The following ARHGEF10L variants were observed in gnomAD, a reference collection of about 807,000 sequenced individuals.
The protein encoded by ARHGEF10L is Rho guanine nucleotide exchange factor 10 like, also known as rho guanine nucleotide exchange factor 10-like protein.
A neutral mutation model predicts 141.2 loss-of-function variants in ARHGEF10L; 69 were observed. The ratio of observed to expected loss-of-function variants is 0.49; its 90% CI spans 0.40 to 0.60. ARHGEF10L has a LOEUF of 0.60. Ranked by LOEUF, ARHGEF10L falls within the 20% of genes least tolerant of loss-of-function variation. ARHGEF10L has a pLI of 0.00. For synonymous variants in ARHGEF10L, 711 were observed against 718.5 expected (o/e 0.99, Z 0.17); for missense variants, 1,482 against 1,734.3 (o/e 0.85, Z 2.58).
rs116778810 is a variant in ARHGEF10L at position 17,623,010 on chromosome 1, C to G, written c.1035C>G (p.Pro345=). The change falls in exon 12 of 29, where the codon CCC becomes CCG. Residue 345 remains proline (P), a synonymous_variant. Coordinates refer to ENST00000361221, the MANE Select transcript of ARHGEF10L (RefSeq NM_018125.4). This position sits in a 1 kb window ranked among gnomAD's most constrained non-coding sequence, Gnocchi z 4.7. ...LKRILQDYRN[P]LMEMEPKALS... ...CTCCCCGGCAGGACTACCGCAACCC[C>G]CTGATGGAGATGGAGCCCAAGGCGC... 1 of 1,613,372 alleles carries G rather than the reference C, an allele frequency of 6.2e-7. No individual in the cohort carries two copies. The highest frequency in any genetic ancestry group is 8.5e-7 in the Non-Finnish European group (1 of 1,179,870).
rs541768338 is a variant in ARHGEF10L at position 17,619,473 on chromosome 1, G to T, written c.942+28G>T. On this transcript the variant is annotated intron_variant, in intron 10 of 28. Transcript: ENST00000361221. The surrounding 1 kb of genome is among the most constrained non-coding windows in gnomAD (Gnocchi z 5.0). ...CTGTGGGGGAGTGGGGCAGGTGGGG[G>T]TCTGCAGGGGAAGGGGTGGCTTGGG... is the stretch of plus-strand genomic sequence containing the variant. 15 of 1,501,000 alleles carry T rather than the reference G, an allele frequency of 1.0e-5. No homozygotes were observed. The highest frequency in any genetic ancestry group is 1.8e-4 in the Middle Eastern group (1 of 5,658). 93.0% of individuals were successfully genotyped at this position (1,501,000 alleles called of 1,614,324 possible).
chr1:17,618,256 C>A, intron 9 of ARHGEF10L: 2 of 1,371,134 alleles, frequency 1.5e-6, no homozygotes, highest in Non-Finnish European at 9.7e-7. Context: ...CTCCTCAGCC[C>A]TCCCCACCCC....
intron 8 of ARHGEF10L, among the ~76,000 whole-genome samples, chr1:17,613,738 CATTAACTGAGCACCT>C (rs1168702149): frequency 1.3e-5 from 2 of 152,220 alleles, no homozygotes; most frequent in African/African-American, 4.8e-5. Flanking sequence ...CAGTAGCTTC[CATTAACTGAGCACCT>C]GCTCTGTGTC....
At chr1:17,686,108 T>TTCTTTCTTTCTTTCTTTC (rs1400506757) in intron 26 of ARHGEF10L, among the ~76,000 whole-genome samples, 8 of 150,458 alleles carry the variant, frequency 5.3e-5, no homozygotes, top group African/African-American at 2.0e-4. Flanking sequence ...CTTTCTTTCT[T>TTCTTTCTTTCTTTCTTTC]TTTTTTTTGC....
intron 1 of ARHGEF10L, among the ~76,000 whole-genome samples, chr1:17,563,459 T>C (rs929095612): frequency 6.6e-6 from 1 of 152,122 alleles, no homozygotes; most frequent in Admixed American, 6.5e-5. Flanking sequence ...GGTCTTGAAC[T>C]CCTGAGCTCA....
chr1:17,682,567 C>A (rs1271413214), intron 26 of ARHGEF10L, among the ~76,000 whole-genome samples: 2 of 152,180 alleles, frequency 1.3e-5, no homozygotes, highest in African/African-American at 4.8e-5. Context: ...GCTTCATTTA[C>A]CAAAACTGGT....
Position 17,687,695 on chromosome 1 carries a change from G to C in ARHGEF10L, c.3132G>C (p.Leu1044=). The C allele has an allele frequency of 6.2e-7, 1 of 1,609,046 alleles. No homozygotes were observed. The highest frequency in any genetic ancestry group is 8.5e-7 in the Non-Finnish European group (1 of 1,177,662). The part of the protein sequence containing the change: ...TSIRLFHTET[L]EHLQEINIAT... ...TCCGCCTCTTCCACACTGAGACCCT[G>C]GAGCATCTGCAAGAGATCAACATCG... is the stretch of plus-strand genomic sequence containing the variant. The change falls in exon 27 of 29, where the codon CTG becomes CTC. Residue 1044 remains leucine, a synonymous_variant. Coordinates refer to ENST00000361221, the MANE Select transcript of ARHGEF10L (RefSeq NM_018125.4).
intron 4 of ARHGEF10L, 88 bp from the exon 5 acceptor site, chr1:17,602,039 A>G (rs1040958946): frequency 3.1e-6 from 4 of 1,271,126 alleles, no homozygotes; most frequent in Non-Finnish European, 4.3e-6. Context: ...ACTTTTGCCC[A>G]TCATGTCCCG....
At chr1:17,676,306 G>C (rs1020458660) in intron 26 of ARHGEF10L, among the ~76,000 whole-genome samples, 7 of 150,182 alleles carry the variant, frequency 4.7e-5, no homozygotes, top group African/African-American at 1.7e-4. Flanking sequence ...TGTAGATGCA[G>C]GTGTGGGTAC....
At chr1:17,686,106 C>CTTTCT (rs1217247937) in intron 26 of ARHGEF10L, among the ~76,000 whole-genome samples, 18 of 99,392 alleles carry the variant, frequency 1.8e-4, no homozygotes, top group East Asian at 1.7e-3. Context: ...TTCTTTCTTT[C>CTTTCT]TTTTTTTTTT....
chr1:17,626,844 T>A (rs1190921869), intron 14 of ARHGEF10L, among the ~76,000 whole-genome samples: 12 of 152,256 alleles, frequency 7.9e-5, no homozygotes, highest in Admixed American at 7.8e-4. Context: ...AAAACACGTA[T>A]ACGTGGAATC....
At chr1:17,618,462 C>A in intron 9 of ARHGEF10L, 3 of 1,478,842 alleles carry the variant, frequency 2.0e-6, no homozygotes, top group Non-Finnish European at 2.7e-6. Flanking sequence ...TCTGCACCAC[C>A]CCCACCCCCA....
At chr1:17,548,183 G>T (rs2076982280) in intron 1 of ARHGEF10L, among the ~76,000 whole-genome samples, 1 of 152,116 alleles carries the variant, frequency 6.6e-6, no homozygotes, top group South Asian at 2.1e-4. Context: ...ACCCTGTTAG[G>T]TTCTGTGATA....
At position 17,580,562 on chromosome 1, in the gene ARHGEF10L, T is replaced by A; in HGVS notation, c.-34T>A. Reference sequence around the variant, plus strand: ...GGTCTTCTTTCCACAGGTGTGTAGCTGGGACGGTGCTGGTCTGAGCTGGAC... The same window carrying A: ...GGTCTTCTTTCCACAGGTGTGTAGCAGGGACGGTGCTGGTCTGAGCTGGAC... On this transcript the variant is annotated 5_prime_UTR_variant, in exon 2 of 29. Transcript: ENST00000361221. 1 of 1,614,156 alleles carries A rather than the reference T, an allele frequency of 6.2e-7. No individual in the cohort carries two copies. Among genetic ancestry groups the A allele is most frequent in the Non-Finnish European group, 8.5e-7 (1 of 1,179,998 alleles).
At chr1:17,631,478 G>C (rs553163390) in intron 15 of ARHGEF10L, among the ~76,000 whole-genome samples, 14 of 152,322 alleles carry the variant, frequency 9.2e-5, no homozygotes, top group Middle Eastern at 3.4e-3. Context: ...GGCCACCTAA[G>C]AGGCGAGACA....
Position 17,627,583 on chromosome 1 carries a change from CCCACA to C in ARHGEF10L, c.1584+82_1584+86del. ...CTGCCCGTGCCCCTGCCCCACGCCA[CCCACA>C]CTAGGTGGCAGTGTTCTCTGAGGGA... is the stretch of plus-strand genomic sequence containing the variant. On this transcript the variant is annotated intron_variant, in intron 15 of 28. Transcript: ENST00000361221. This position sits in a 1 kb window ranked among gnomAD's most constrained non-coding sequence, Gnocchi z 4.0. The C allele has an allele frequency of 3.3e-6, 5 of 1,511,536 alleles. No individual in the cohort carries two copies. The highest frequency in any genetic ancestry group is 4.5e-6 in the Non-Finnish European group (5 of 1,119,696). 93.6% of individuals were successfully genotyped at this position (1,511,536 alleles called of 1,614,324 possible).
At chr1:17,567,228 G>A (rs1004218022) in intron 1 of ARHGEF10L, among the ~76,000 whole-genome samples, 5 of 152,202 alleles carry the variant, frequency 3.3e-5, no homozygotes, top group Non-Finnish European at 5.9e-5. Context: ...TGCAAGAAGC[G>A]AGCCCTTGAT....
upstream of ARHGEF10L, among the ~76,000 whole-genome samples, chr1:17,538,150 T>C (rs1205988949): frequency 2.0e-5 from 3 of 152,204 alleles, no homozygotes; most frequent in Non-Finnish European, 4.4e-5. Context: ...GTCTGGGATG[T>C]GTACTTGGCT....
chr1:17,528,985 A>G, the ARHGEF10L span, among the ~76,000 whole-genome samples: 5 of 152,064 alleles, frequency 3.3e-5, no homozygotes, highest in Non-Finnish European at 7.4e-5. Context: ...GATATAGATG[A>G]TGATGATTAA....
Sources: gnomAD v4.1 joint callset for allele counts (sites outside exome capture counted in the v4.1 genomes callset) on GRCh38, gnomAD v4.1.1 for gene constraint, Gnocchi (gnomAD v3.1) non-coding constraint, MANE v1.5 for transcripts, NCBI Gene and HGNC (gene_info 2026-07-23, HGNC 2026-07-21) for gene names.